The following ZNF324B variants were observed in gnomAD, a reference collection of about 807,000 sequenced individuals.
The protein encoded by ZNF324B is zinc finger protein 324B.
Under a neutral mutation model 10.6 loss-of-function variants are expected in ZNF324B, and 7 were observed. The ratio of observed to expected loss-of-function variants is 0.66; its 90% CI spans 0.38 to 1.24. The LOEUF (loss-of-function observed/expected upper bound fraction) is 1.24, where lower values mean the gene tolerates loss of function less well. Ranked by LOEUF, ZNF324B falls within the 50% of genes most tolerant of loss-of-function variation. ZNF324B has a pLI of 0.02. For missense variants in ZNF324B, 640 were observed against 764.7 expected (o/e 0.84, Z 1.92); for synonymous variants, 316 against 321.0 (o/e 0.98, Z 0.17).
chr19:58,438,788 T>A, the ZNF324B span, among the ~76,000 whole-genome samples: 3 of 148,900 alleles, frequency 2.0e-5, no homozygotes, highest in East Asian at 4.0e-4. Context: ...TTTTTTTTTT[T>A]AAGACAGAGT....
the ZNF324B span, chr19:58,433,186 C>G: frequency 2.2e-6 from 2 of 926,612 alleles, no homozygotes; most frequent in South Asian, 1.7e-5. Context: ...CTGGGCTGGT[C>G]AGAAACAGAG....
intron 1 of ZNF324B, among the ~76,000 whole-genome samples, chr19:58,451,942 C>T (rs978716847): frequency 2.0e-5 from 3 of 152,230 alleles, no homozygotes; most frequent in African/African-American, 7.2e-5. Flanking sequence ...GCCTTTCTTC[C>T]CTCCCAGTTG....
intron 3 of ZNF324B, 108 bp downstream of exon 3, chr19:58,454,452 A>T: frequency 1.4e-6 from 1 of 730,316 alleles, no homozygotes. Context: ...CTCCTACCTG[A>T]CTCCCTTCTC....
the ZNF324B span, chr19:58,434,816 G>A: frequency 6.2e-7 from 1 of 1,614,190 alleles, no homozygotes; most frequent in Non-Finnish European, 8.5e-7. Context: ...ACAGCTTGAA[G>A]CTGGAGGAGG....
chr19:58,427,403 TTTCCTTCC>T, the ZNF324B span, among the ~76,000 whole-genome samples: 1 of 46,526 alleles, frequency 2.1e-5, no homozygotes, highest in African/African-American at 9.7e-5. Context: ...TCTTTCTTTC[TTTCCTTCC>T]TTCCTTCCTT....
intron 1 of ZNF324B, chr19:58,453,248 A>G: frequency 4.5e-6 from 1 of 223,460 alleles, no homozygotes; most frequent in Non-Finnish European, 9.0e-6. Context: ...AGGCTGGATG[A>G]GCAGCCTGGA....
At chr19:58,443,803 A>G in the ZNF324B span, 1 of 152,186 alleles carries the variant, frequency 6.6e-6, no homozygotes, top group Admixed American at 6.5e-5. Context: ...GACTTTGTGA[A>G]GTTCAGTTCT....
At chr19:58,444,558 G>C in the ZNF324B span, 1 of 152,150 alleles carries the variant, frequency 6.6e-6, no homozygotes, top group Non-Finnish European at 1.5e-5. Flanking sequence ...GAGGAGTATG[G>C]GCATAGGTGT....
At chr19:58,450,183 C>G (rs971130692), upstream of ZNF324B, among the ~76,000 whole-genome samples, 1 of 152,134 alleles carries the variant, frequency 6.6e-6, no homozygotes, top group Non-Finnish European at 1.5e-5. Context: ...CCATGTAAGA[C>G]GTGCCTTTCA....
At chr19:58,436,694 G>GA in the ZNF324B span, among the ~76,000 whole-genome samples, 195 of 142,138 alleles carry the variant, frequency 1.4e-3, 1 homozygote, top group African/African-American at 4.5e-3. Flanking sequence ...AAAAAAAAAG[G>GA]AAAAAAAAAT....
chr19:58,426,362 C>T, the ZNF324B span, among the ~76,000 whole-genome samples: 3 of 152,268 alleles, frequency 2.0e-5, no homozygotes, highest in South Asian at 2.1e-4. Flanking sequence ...TTCCCACTGT[C>T]GGTGTAAAGG....
At chr19:58,419,931 G>C in the ZNF324B span, among the ~76,000 whole-genome samples, 1 of 152,150 alleles carries the variant, frequency 6.6e-6, no homozygotes, top group Non-Finnish European at 1.5e-5. Context: ...TTCTACCTCA[G>C]CCTCCTGAGT....
the ZNF324B span, chr19:58,436,874 C>A: frequency 7.7e-6 from 7 of 904,624 alleles, no homozygotes. Flanking sequence ...TGAGGCTGCT[C>A]AGAGAGAGAC....
At chr19:58,449,379 T>A (rs138563145), upstream of ZNF324B, among the ~76,000 whole-genome samples, 3,152 of 152,308 alleles carry the variant, frequency 0.021, 92 homozygotes, top group African/African-American at 0.071. Context: ...GACCCCACAC[T>A]GAGTCCCCAC....
At chr19:58,429,695 C>T in the ZNF324B span, 3 of 152,218 alleles carry the variant, frequency 2.0e-5, no homozygotes, top group Admixed American at 1.3e-4. Flanking sequence ...CTCCAGAAGA[C>T]ACCAGCTCAG....
At chr19:58,421,589 C>T in the ZNF324B span, among the ~76,000 whole-genome samples, 165 of 152,212 alleles carry the variant, frequency 1.1e-3, no homozygotes, top group African/African-American at 3.8e-3. Flanking sequence ...CCATGTTGGT[C>T]GGGCTGGTCT....
the ZNF324B span, among the ~76,000 whole-genome samples, chr19:58,425,471 C>A: frequency 6.7e-6 from 1 of 148,502 alleles, no homozygotes; most frequent in Non-Finnish European, 1.5e-5. Flanking sequence ...TTCCTTCTTT[C>A]CTTTTTTTTT....
chr19:58,451,495 G>C (rs995515415), upstream of ZNF324B: 1 of 401,786 alleles, frequency 2.5e-6, no homozygotes, highest in African/African-American at 2.2e-5. Context: ...CATGGAGACT[G>C]GTAATGGCCC....
the ZNF324B span, among the ~76,000 whole-genome samples, chr19:58,431,330 GGT>G: frequency 1.3e-5 from 2 of 152,196 alleles, no homozygotes; most frequent in African/African-American, 4.8e-5. Flanking sequence ...GAGCCTGTTA[GGT>G]GACATTCACA....
Sources: allele counts gnomAD v4.1 joint callset (sites outside exome capture counted in the v4.1 genomes callset), GRCh38; gene constraint gnomAD v4.1.1; transcripts MANE v1.5; gene names NCBI Gene and HGNC (gene_info 2026-07-23, HGNC 2026-07-21).